CHKA: variants seen among roughly 807,000 people sequenced by gnomAD.
The protein encoded by CHKA is CHETK-alpha.
Under a neutral mutation model 60.1 loss-of-function variants are expected in CHKA, and 34 were observed. That is an observed-to-expected ratio of 0.57 (90% CI 0.43 to 0.75). The LOEUF is 0.75. CHKA is among the 30% of genes least tolerant of loss of function. The pLI, the probability that CHKA is intolerant of heterozygous loss-of-function variation, is 0.00. For missense variants in CHKA, 563 were observed against 561.3 expected (o/e 1.00, Z -0.03); for synonymous variants, 217 against 223.1 (o/e 0.97, Z 0.24).
At chr11:68,059,842 A>G (rs1359655568) in intron 11 of CHKA, among the ~76,000 whole-genome samples, 1 of 152,160 alleles carries the variant, frequency 6.6e-6, no homozygotes, top group Non-Finnish European at 1.5e-5. Context: ...TCATTTGAAA[A>G]GAATGTGCAC....
At chr11:68,082,173 A>C (rs1254339603) in intron 2 of CHKA, 1 of 151,934 alleles carries the variant, frequency 6.6e-6, no homozygotes, top group African/African-American at 2.4e-5. Flanking sequence ...AGCAATAACA[A>C]CACACTAGAT....
Position 68,101,646 on chromosome 11 carries a change from T to C in CHKA, c.351-4516A>G, listed in dbSNP as rs561069776. Among the ~76,000 whole-genome samples, 7 of 145,426 alleles carry C rather than the reference T, an allele frequency of 4.8e-5. No individual in the cohort carries two copies. The South Asian group carries it at 6.5e-4, about 13-fold the overall frequency. On this transcript the variant is annotated intron_variant, in intron 1 of 11. Transcript: ENST00000265689. ...ATCAAGAAAACAATCCTGTTTACAA[T>C]AGCTAACAAAAAAAAAAAGAAAAGA...
At position 68,084,429 on chromosome 11, in the gene CHKA, T is replaced by C. The variant is rs12808793; in HGVS notation, c.463-2972A>G. ...ATATATGTGTATATATATATACACA[T>C]ATATATACGTATATATATGTGTGTA... is the stretch of plus-strand genomic sequence containing the variant. On this transcript the variant is annotated intron_variant, in intron 2 of 11. Coordinates refer to ENST00000265689, the MANE Select transcript of CHKA (RefSeq NM_001277.3). Among the ~76,000 whole-genome samples, 70 of 19,030 alleles carry C rather than the reference T, an allele frequency of 3.7e-3. 1 individual carries two copies. The highest frequency in any genetic ancestry group is 0.015 in the South Asian group (5 of 342). The allele number at this position is 19,030 out of a possible 152,430, so 12.5% of individuals were successfully genotyped here.
Position 68,121,018 on chromosome 11 carries a change from G to C in CHKA, c.160C>G (p.Pro54Ala). 9.0e-7 allele frequency: 1 copy of C among 1,109,960 alleles called. No individual in the cohort carries two copies. Among genetic ancestry groups the C allele is most frequent in the Non-Finnish European group, 1.1e-6 (1 of 910,848 alleles). The allele number at this position is 1,109,960 out of a possible 1,614,324, so 68.8% of individuals were successfully genotyped here. The change falls in exon 1 of 12, where the codon CCG becomes GCG. Residue 54 changes from proline (P) to alanine (A), a missense_variant. Coordinates refer to ENST00000265689, the MANE Select transcript of CHKA (RefSeq NM_001277.3). ...ESKQLGGQQP[P>A]LALPPPPPLP... ...GGCGGCGGAGGGGGCAGCGCGAGCG[G>C]CGGCTGTTGGCCGCCCAGCTGCTTG...
Position 68,074,801 on chromosome 11 carries a change from A to G in CHKA, c.546T>C (p.Val182=). Residue 182 remains valine (V), a synonymous_variant, in exon 4 of 12, where the codon GTT becomes GTC. Transcript: ENST00000265689. Reference sequence around the variant, plus strand: ...ACCTCTCTGCGAGAATGGCAAACATAACGCTCTCCAGAACCATGGCCTCAG... The same window carrying G: ...ACCTCTCTGCGAGAATGGCAAACATGACGCTCTCCAGAACCATGGCCTCAG... ...QGAEAMVLES[V]MFAILAERSL... is the part of the protein sequence containing the mutation. The G allele has an allele frequency of 1.2e-6, 2 of 1,614,198 alleles. No individual in the cohort carries two copies. Among genetic ancestry groups the G allele is most frequent in the Non-Finnish European group, 1.7e-6 (2 of 1,180,034 alleles).
intron 3 of CHKA, among the ~76,000 whole-genome samples, chr11:68,080,283 G>GA (rs1856939559): frequency 6.6e-6 from 1 of 151,938 alleles, no homozygotes; most frequent in Admixed American, 6.6e-5. Flanking sequence ...GAAAAGTGTG[G>GA]AAAAAATATC....
chr11:68,115,340 C>CA (rs1417042819), intron 1 of CHKA, among the ~76,000 whole-genome samples: 1 of 152,088 alleles, frequency 6.6e-6, no homozygotes, highest in African/African-American at 2.4e-5. Context: ...ATACGGTGGC[C>CA]AAAAACCACA....
At position 68,061,991 on chromosome 11, in the gene CHKA, C is replaced by T. The variant is rs757588762; in HGVS notation, c.1276G>A (p.Val426Ile). The part of the protein sequence containing the change: ...SHFLWGLWSI[V>I]QAKISSIEFG... ...TCAATAGATGAAATCTTGGCTTGTACAATGGACCACAGTCCCCAGAGGAAA... is the reference window on the plus strand; with the variant it reads ...TCAATAGATGAAATCTTGGCTTGTATAATGGACCACAGTCCCCAGAGGAAA... The change falls in exon 11 of 12, where the codon GTA becomes ATA. Residue 426 changes from valine to isoleucine, a missense_variant. Physicochemically the swap from Val to Ile is conservative, Grantham distance 29 (BLOSUM62 3). Coordinates refer to ENST00000265689, the MANE Select transcript of CHKA (RefSeq NM_001277.3). 6.3e-7 allele frequency: 1 copy of T among 1,598,310 alleles called. No individual in the cohort carries two copies. Among genetic ancestry groups the T allele is most frequent in the African/African-American group, 1.3e-5 (1 of 74,570 alleles).
intron 11 of CHKA, among the ~76,000 whole-genome samples, chr11:68,056,386 C>T (rs1856016092): frequency 6.6e-6 from 1 of 152,254 alleles, no homozygotes; most frequent in Middle Eastern, 3.4e-3. Context: ...ACTCTTATTC[C>T]AGAGGGGGTC....
intron 10 of CHKA, among the ~76,000 whole-genome samples, chr11:68,062,408 G>GT (rs1856282779): frequency 6.6e-6 from 1 of 152,240 alleles, no homozygotes; most frequent in African/African-American, 2.4e-5. Context: ...ACAAGGGAGG[G>GT]TGCACACCAT....
At chr11:68,073,332 T>C (rs1206638702) in intron 4 of CHKA, among the ~76,000 whole-genome samples, 1 of 152,126 alleles carries the variant, frequency 6.6e-6, no homozygotes, top group Non-Finnish European at 1.5e-5. Context: ...CCATATGAGG[T>C]TCTATTATTT....
intron 3 of CHKA, among the ~76,000 whole-genome samples, chr11:68,080,507 C>A (rs547273119): frequency 1.6e-4 from 25 of 152,082 alleles, no homozygotes; most frequent in Middle Eastern, 3.4e-3. Context: ...ACCACTATGC[C>A]TGGCTAATTT....
chr11:68,116,714 TAA>T (rs35489750), intron 1 of CHKA, among the ~76,000 whole-genome samples: 4 of 141,300 alleles, frequency 2.8e-5, no homozygotes, highest in African/African-American at 5.2e-5. Flanking sequence ...AAGACTGTCT[TAA>T]AAAAAAAAAA....
Position 68,120,295 on chromosome 11 carries a change from CTT to C in CHKA, c.350+531_350+532del, listed in dbSNP as rs1200689593. 3.3e-5 allele frequency among the ~76,000 whole-genome samples: 5 copies of C among 152,146 alleles called. No individual in the cohort carries two copies. The East Asian group carries it at 9.6e-4, about 29-fold the overall frequency. On this transcript the variant is annotated intron_variant, in intron 1 of 11. Transcript: ENST00000265689. Reference sequence around the variant, plus strand: ...TTATTTTAGGAGCCACGCCTCCCACCTTTGTCTAGTAACACAGCTATAGTGAT... The same window carrying C: ...TTATTTTAGGAGCCACGCCTCCCACCTGTCTAGTAACACAGCTATAGTGAT...
intron 1 of CHKA, among the ~76,000 whole-genome samples, chr11:68,118,579 A>ATGCCCTTGTGT (rs1858484324): frequency 6.6e-6 from 1 of 152,204 alleles, no homozygotes; most frequent in Admixed American, 6.5e-5. Context: ...GCACCTCCAA[A>ATGCCCTTGTGT]TGCCCTTGTG....
At chr11:68,071,018 G>A (rs919183205) in intron 4 of CHKA, among the ~76,000 whole-genome samples, 161 bp from the exon 5 acceptor site, 6 of 152,154 alleles carry the variant, frequency 3.9e-5, no homozygotes, top group Non-Finnish European at 7.4e-5. Flanking sequence ...TACAGACAGT[G>A]ACCCAGCAAT....
At chr11:68,056,604 G>T (rs745772873) in intron 11 of CHKA, among the ~76,000 whole-genome samples, 17 of 152,330 alleles carry the variant, frequency 1.1e-4, no homozygotes, top group African/African-American at 1.7e-4. Flanking sequence ...TGTGGAGGCT[G>T]ACAGGAAGGT....
At chr11:68,111,367 G>A (rs543366682) in intron 1 of CHKA, among the ~76,000 whole-genome samples, 16 of 149,068 alleles carry the variant, frequency 1.1e-4, no homozygotes, top group Admixed American at 2.7e-4. Flanking sequence ...AGCCGAGATC[G>A]TGCCATTGCA....
intron 1 of CHKA, among the ~76,000 whole-genome samples, chr11:68,113,906 G>T (rs1441837460): frequency 2.0e-5 from 3 of 151,918 alleles, no homozygotes; most frequent in African/African-American, 7.2e-5. Context: ...CAGGAGAATC[G>T]CTTGAACCCA....
Sources: allele counts gnomAD v4.1 joint callset (sites outside exome capture counted in the v4.1 genomes callset), GRCh38; gene constraint gnomAD v4.1.1; transcripts MANE v1.5; gene names NCBI Gene and HGNC (gene_info 2026-07-23, HGNC 2026-07-21).